The following KCNIP1 variants were observed in gnomAD, a reference collection of about 807,000 sequenced individuals.
The protein encoded by KCNIP1 is potassium voltage-gated channel interacting protein 1, also known as A-type potassium channel modulatory protein KCNIP1.
Under a neutral mutation model 33.0 loss-of-function variants are expected in KCNIP1, and 18 were observed. The observed-to-expected ratio is 0.55, with a 90% CI of 0.38 to 0.81. The LOEUF (loss-of-function observed/expected upper bound fraction) is 0.81. Among genes scored for constraint, KCNIP1 ranks in the 30% least tolerant of loss-of-function variants. KCNIP1 has a pLI of 0.00. For synonymous variants in KCNIP1, 93 were observed against 98.3 expected (o/e 0.95, Z 0.32); for missense variants, 238 against 271.6 (o/e 0.88, Z 0.87).
At chr5:170,382,670 T>C in intron 1 of KCNIP1, 1 of 152,936 alleles carries the variant, frequency 6.5e-6, no homozygotes, top group Non-Finnish European at 1.4e-5. Context: ...TTTTTTTTTT[T>C]TTTTTGAGAT....
intron 1 of KCNIP1, among the ~76,000 whole-genome samples, chr5:170,417,784 T>G (rs1447464096): frequency 6.6e-6 from 1 of 152,214 alleles, no homozygotes; most frequent in Admixed American, 6.5e-5. Context: ...CTGTTGAGAA[T>G]CCAACGAATA....
intron 1 of KCNIP1, among the ~76,000 whole-genome samples, chr5:170,513,431 C>T (rs754362620): frequency 5.3e-5 from 8 of 151,234 alleles, no homozygotes; most frequent in African/African-American, 2.0e-4. Flanking sequence ...TTCTTTCTCT[C>T]TCTTTCTTTT....
intron 1 of KCNIP1, among the ~76,000 whole-genome samples, chr5:170,412,234 CAT>C (rs1755213185): frequency 1.3e-5 from 2 of 151,826 alleles, no homozygotes; most frequent in Non-Finnish European, 1.5e-5. Flanking sequence ...CTTGGCTTTC[CAT>C]TTTTTTTTAG....
chr5:170,557,332 C>T (rs761862668), intron 1 of KCNIP1, among the ~76,000 whole-genome samples: 22 of 152,184 alleles, frequency 1.4e-4, no homozygotes, highest in Non-Finnish European at 2.2e-4. Context: ...TAAACTGAGA[C>T]AACTTTCTCT....
intron 1 of KCNIP1, among the ~76,000 whole-genome samples, chr5:170,635,619 G>A (rs1760250042): frequency 1.3e-5 from 2 of 152,230 alleles, no homozygotes; most frequent in South Asian, 2.1e-4. Flanking sequence ...GTTTATCACT[G>A]CTGTCTCTAT....
intron 1 of KCNIP1, among the ~76,000 whole-genome samples, chr5:170,436,597 C>T (rs962196270): frequency 6.6e-6 from 1 of 152,200 alleles, no homozygotes; most frequent in Non-Finnish European, 1.5e-5. Context: ...AATTGCATTT[C>T]GACAAGTTCC....
chr5:170,569,410 G>A (rs904485015), intron 1 of KCNIP1, among the ~76,000 whole-genome samples: 12 of 152,352 alleles, frequency 7.9e-5, no homozygotes, highest in South Asian at 6.2e-4. Context: ...CTCACTCTGG[G>A]CAGGCCCGAA....
intron 1 of KCNIP1, among the ~76,000 whole-genome samples, chr5:170,464,583 C>T (rs1293499442): frequency 6.6e-6 from 1 of 152,218 alleles, no homozygotes; most frequent in Non-Finnish European, 1.5e-5. Context: ...AGTGGAACCA[C>T]TGTCTCAGTA....
chr5:170,380,811 C>T (rs75925025), intron 1 of KCNIP1, among the ~76,000 whole-genome samples: 24,719 of 152,154 alleles, frequency 0.16, 2,333 homozygotes, highest in South Asian at 0.28. Flanking sequence ...GTCAGACAGG[C>T]CTGAGTTCTG....
At chr5:170,706,001 ACCATATAC>A (rs1357505906) in intron 1 of KCNIP1, among the ~76,000 whole-genome samples, 2 of 152,222 alleles carry the variant, frequency 1.3e-5, no homozygotes, top group Non-Finnish European at 2.9e-5. Context: ...TAGTCTAATA[ACCATATAC>A]CTCCTAGGGG....
intron 1 of KCNIP1, among the ~76,000 whole-genome samples, chr5:170,592,160 G>A (rs565932789): frequency 6.6e-6 from 1 of 152,152 alleles, no homozygotes; most frequent in Non-Finnish European, 1.5e-5. Flanking sequence ...ATCCTAATGG[G>A]TGTGAAGTTG....
At chr5:170,647,999 T>C (rs1278699079) in intron 1 of KCNIP1, among the ~76,000 whole-genome samples, 1 of 152,174 alleles carries the variant, frequency 6.6e-6, no homozygotes, top group Non-Finnish European at 1.5e-5. Flanking sequence ...AAGGAAGATA[T>C]ACAGATGGCA....
At chr5:170,393,136 C>T (rs765520912) in intron 1 of KCNIP1, among the ~76,000 whole-genome samples, 3 of 152,166 alleles carry the variant, frequency 2.0e-5, no homozygotes, top group African/African-American at 4.8e-5. Context: ...GACTCCACAG[C>T]CCGTCCCTGC....
chr5:170,412,495 T>G (rs1014666692), intron 1 of KCNIP1, among the ~76,000 whole-genome samples: 1 of 152,114 alleles, frequency 6.6e-6, no homozygotes, highest in Non-Finnish European at 1.5e-5. Flanking sequence ...AGGAGAGGGT[T>G]TCAGGAAGTG....
At chr5:170,419,413 C>G (rs956559652) in intron 1 of KCNIP1, among the ~76,000 whole-genome samples, 1 of 152,226 alleles carries the variant, frequency 6.6e-6, no homozygotes, top group African/African-American at 2.4e-5. Context: ...ACCACTCCCC[C>G]AGTCTAGACT....
intron 1 of KCNIP1, among the ~76,000 whole-genome samples, chr5:170,418,295 G>A (rs1482823512): frequency 6.6e-6 from 1 of 152,180 alleles, no homozygotes; most frequent in Admixed American, 6.5e-5. Flanking sequence ...GCTGGGCAGG[G>A]TGGCATGCAC....
chr5:170,687,525 A>T (rs1762579724), intron 1 of KCNIP1, among the ~76,000 whole-genome samples: 2 of 152,232 alleles, frequency 1.3e-5, no homozygotes, highest in South Asian at 4.1e-4. Context: ...CTACTAACAT[A>T]GCATACAGGC....
intron 1 of KCNIP1, among the ~76,000 whole-genome samples, chr5:170,660,675 G>A (rs1404897586): frequency 6.6e-6 from 1 of 152,188 alleles, no homozygotes; most frequent in Non-Finnish European, 1.5e-5. Flanking sequence ...CCTTCTTCTT[G>A]TCAAATGGCC....
In KCNIP1 at chr5:170,703,537, C is replaced by T. The variant is rs566342483; in HGVS notation, c.62-15221C>T. 3.2e-4 allele frequency among the ~76,000 whole-genome samples: 44 copies of T among 137,400 alleles called. 11 individuals carry two copies. In the South Asian group the frequency reaches 0.012, roughly 37 times the overall value. 90.1% of individuals were successfully genotyped at this position (137,400 alleles called of 152,430 possible). On this transcript the variant is annotated intron_variant, in intron 1 of 7. Coordinates refer to ENST00000328939, the MANE Select transcript of KCNIP1 (RefSeq NM_014592.4). ...CCTGTAATTCCAGTGCTTTAAGAGG[C>T]CGAGGCAGGAGGATCACTTGAGGCC...
Sources: allele counts gnomAD v4.1 joint callset (sites outside exome capture counted in the v4.1 genomes callset), GRCh38; gene constraint gnomAD v4.1.1; transcripts MANE v1.5; gene names NCBI Gene and HGNC (gene_info 2026-07-23, HGNC 2026-07-21).